NAF1: variants seen among roughly 807,000 people sequenced by gnomAD.
The protein encoded by NAF1 is nuclear assembly factor 1 ribonucleoprotein.
NAF1 carries 11 observed loss-of-function variants against 40.6 expected under a neutral mutation model. That is an observed-to-expected ratio of 0.27 (90% confidence interval 0.17 to 0.45). The LOEUF (loss-of-function observed/expected upper bound fraction) is 0.45. Ranked by LOEUF, NAF1 falls within the 20% of genes least tolerant of loss-of-function variation. The pLI, the probability that NAF1 is intolerant of heterozygous loss-of-function variation, is 1.00. For synonymous variants in NAF1, 260 were observed against 228.5 expected (o/e 1.14, Z -1.24); for missense variants, 607 against 611.1 (o/e 0.99, Z 0.07).
rs763000980 is a variant in NAF1, at chr4:163,140,284, T to C, written c.817A>G (p.Met273Val). The C allele has an allele frequency of 2.5e-6, 4 of 1,606,838 alleles. No individual in the cohort carries two copies. Among genetic ancestry groups the C allele is most frequent in the Non-Finnish European group, 3.4e-6 (4 of 1,176,212 alleles). ...TCTTTCATTGATGGAGCAAAATACA[T>C]AGTCTCCTTTATTTTAATACCTTTA... is the stretch of plus-strand genomic sequence containing the variant. ...ESKGIKIKET[M>V]YFAPSMKDFT... Residue 273 changes from methionine (M) to valine (V), a missense_variant, in exon 5 of 8, where the codon ATG becomes GTG. By Grantham distance (21) the Met-to-Val change is conservative (BLOSUM62 1). This residue lies in a region of NAF1 where 407 missense variants were observed against 365.5 expected (regional missense o/e 1.11). Coordinates refer to ENST00000274054, the MANE Select transcript of NAF1 (RefSeq NM_138386.3).
chr4:163,138,150 A>C (rs1189701529), intron 5 of NAF1, among the ~76,000 whole-genome samples: 1 of 152,170 alleles, frequency 6.6e-6, no homozygotes, highest in South Asian at 2.1e-4. Flanking sequence ...CCAGGAATTA[A>C]GGCCATTAAA....
At chr4:163,126,927 A>G (rs1730672993), downstream of NAF1, 1 of 1,506,008 alleles carries the variant, frequency 6.6e-7, no homozygotes, top group South Asian at 1.3e-5. Flanking sequence ...TTTTTTGAAC[A>G]GTAAAGTATT....
downstream of NAF1, among the ~76,000 whole-genome samples, chr4:163,125,501 G>A (rs1478936247): frequency 6.6e-6 from 1 of 152,200 alleles, no homozygotes; most frequent in Non-Finnish European, 1.5e-5. Flanking sequence ...TTAAGCCAAA[G>A]CCTAATCCAG....
Position 163,156,149 on chromosome 4 carries a change from T to G in NAF1, c.541-7715A>C, listed in dbSNP as rs1261851269. ...ACTCAATATTAGATACAAATTTAAA[T>G]TTAATTAAAATTAAATAAAATTTAA... On this transcript the variant is annotated intron_variant, in intron 2 of 7. Coordinates refer to ENST00000274054, the MANE Select transcript of NAF1 (RefSeq NM_138386.3). Among the ~76,000 whole-genome samples the G allele has an allele frequency of 4.3e-4, 50 of 115,898 alleles. 13 individuals are homozygous for G. The highest frequency in any genetic ancestry group is 6.8e-4 in the Non-Finnish European group (37 of 54,318). 76.0% of individuals were successfully genotyped at this position (115,898 alleles called of 152,430 possible).
chr4:163,164,303 C>G lies in NAF1; in HGVS notation c.454G>C (p.Val152Leu). 2 of 1,599,658 alleles carry G rather than the reference C, an allele frequency of 1.3e-6. No individual in the cohort carries two copies. The highest frequency in any genetic ancestry group is 3.5e-5 in the Admixed American group (2 of 57,484). ...AAATCATCATCTCCATCTGACAGCA[C>G]TGGAGGAAGTGATATACAAGAGGAA... ...SSSSCISLPP[V>L]LSDGDDDLQI... Residue 152 changes from valine (V) to leucine (L), a missense_variant, in exon 2 of 8, where the codon GTG becomes CTG. This residue lies in a region of NAF1 where 407 missense variants were observed against 365.5 expected (regional missense o/e 1.11). Coordinates refer to ENST00000274054, the MANE Select transcript of NAF1 (RefSeq NM_138386.3).
chr4:163,160,767 TTAAC>T, intron 2 of NAF1, among the ~76,000 whole-genome samples: 1 of 152,334 alleles, frequency 6.6e-6, no homozygotes, highest in African/African-American at 2.4e-5. Flanking sequence ...AAAATTGGTT[TTAAC>T]TGTTTGGCAC....
intron 6 of NAF1, among the ~76,000 whole-genome samples, chr4:163,134,090 GTTATAGTCCACCA>G (rs1250914868): frequency 1.3e-5 from 2 of 151,926 alleles, no homozygotes; most frequent in African/African-American, 2.4e-5. Context: ...AGGATTCATT[GTTATAGTCCACCA>G]AGAAAACCAA....
intron 2 of NAF1, among the ~76,000 whole-genome samples, chr4:163,162,891 T>C (rs1222962988): frequency 6.6e-6 from 1 of 152,200 alleles, no homozygotes; most frequent in Admixed American, 6.5e-5. Context: ...TGGCCACAAA[T>C]CCTTTTTGAT....
At chr4:163,114,592 TTC>T (rs1477178019) in intron 2 of NAF1, among the ~76,000 whole-genome samples, 6 of 152,222 alleles carry the variant, frequency 3.9e-5, no homozygotes, top group African/African-American at 1.2e-4. Flanking sequence ...GTAGTGTATC[TTC>T]TTTTTATATT....
chr4:163,124,205 C>T (rs569006796), downstream of NAF1, among the ~76,000 whole-genome samples: 30 of 152,292 alleles, frequency 2.0e-4, no homozygotes, highest in South Asian at 5.6e-3. Flanking sequence ...TAAATAAGTA[C>T]GCCTTACAGT....
intron 4 of NAF1, among the ~76,000 whole-genome samples, chr4:163,141,231 G>A (rs1731249564): frequency 6.6e-6 from 1 of 152,102 alleles, no homozygotes; most frequent in Non-Finnish European, 1.5e-5. Flanking sequence ...CGGGTGTGGT[G>A]GCAGGCACCT....
chr4:163,121,366 T>G (rs889564812), intron 2 of NAF1, among the ~76,000 whole-genome samples: 9 of 151,268 alleles, frequency 5.9e-5, no homozygotes, highest in Non-Finnish European at 1.2e-4. Flanking sequence ...AAATGAGAAG[T>G]AAAAAAAAAC....
chr4:163,145,454 C>G (rs1042568181), intron 4 of NAF1, among the ~76,000 whole-genome samples: 2 of 152,186 alleles, frequency 1.3e-5, no homozygotes, highest in Non-Finnish European at 2.9e-5. Context: ...GGGAAGTCTT[C>G]TTCACTCAGC....
chr4:163,144,828 A>G (rs79107077), intron 4 of NAF1, among the ~76,000 whole-genome samples: 5,751 of 152,292 alleles, frequency 0.038, 174 homozygotes, highest in Non-Finnish European at 0.062. Flanking sequence ...ATTCAAATGT[A>G]GTGGGAAATA....
chr4:163,141,487 C>T (rs1731260153), intron 4 of NAF1, among the ~76,000 whole-genome samples: 1 of 152,046 alleles, frequency 6.6e-6, no homozygotes, highest in Admixed American at 6.5e-5. Context: ...CTTTTAAAAA[C>T]CTAAAGTTGT....
At chr4:163,142,464 C>G (rs1249392032) in intron 4 of NAF1, among the ~76,000 whole-genome samples, 1 of 152,142 alleles carries the variant, frequency 6.6e-6, no homozygotes, top group Non-Finnish European at 1.5e-5. Context: ...AATTCCTTGC[C>G]AACTTCAGGT....
chr4:163,157,121 T>C (rs980338824), intron 2 of NAF1: 1 of 152,078 alleles, frequency 6.6e-6, no homozygotes, highest in African/African-American at 2.4e-5. Flanking sequence ...AAATTCAACA[T>C]ACTAAAGAAG....
chr4:163,137,167 A>T (rs767518408), intron 6 of NAF1, 32 bp downstream of exon 6: 1 of 1,610,702 alleles, frequency 6.2e-7, no homozygotes, highest in East Asian at 2.2e-5. Flanking sequence ...GCCCTACTTT[A>T]TAAAATGTTG....
chr4:163,163,020 T>C (rs2111061248), intron 2 of NAF1, among the ~76,000 whole-genome samples: 1 of 152,326 alleles, frequency 6.6e-6, no homozygotes, highest in South Asian at 2.1e-4. Context: ...AAGACAATGA[T>C]ATGTATGCAT....
Sources: allele counts gnomAD v4.1 joint callset (sites outside exome capture counted in the v4.1 genomes callset), GRCh38; gene constraint gnomAD v4.1.1; regional missense constraint gnomAD v4.1.1; transcripts MANE v1.5; gene names NCBI Gene and HGNC (gene_info 2026-07-23, HGNC 2026-07-21).